The following TRPM3 variants were observed in gnomAD, a reference collection of about 807,000 sequenced individuals.
TRPM3 encodes the protein transient receptor potential cation channel subfamily M member 3, also known as long transient receptor potential channel 3.
TRPM3 carries 77 observed loss-of-function variants against 181.2 expected under a neutral mutation model. The ratio of observed to expected loss-of-function variants is 0.42; its 90% CI spans 0.35 to 0.51. The LOEUF is 0.51. TRPM3 is among the 20% of genes least tolerant of loss of function. The pLI is 0.01. For synonymous variants in TRPM3, 745 were observed against 796.4 expected (o/e 0.94, Z 1.09); for missense variants, 1,759 against 2,196.7 (o/e 0.80, Z 3.98).
chr9:71,229,809 C>G (rs1334288385), intron 1 of TRPM3, among the ~76,000 whole-genome samples: 2 of 151,880 alleles, frequency 1.3e-5, no homozygotes, highest in Non-Finnish European at 2.9e-5. Context: ...ATGTGGAGTA[C>G]AGGAAACCCT....
At chr9:71,220,208 A>T (rs995831831) in intron 1 of TRPM3, among the ~76,000 whole-genome samples, 7 of 152,212 alleles carry the variant, frequency 4.6e-5, no homozygotes, top group African/African-American at 1.7e-4. Context: ...ATTTGACACT[A>T]GCAACTCTCT....
At chr9:71,369,893 C>T (rs1427246037) in intron 1 of TRPM3, among the ~76,000 whole-genome samples, 1 of 152,110 alleles carries the variant, frequency 6.6e-6, no homozygotes, top group Non-Finnish European at 1.5e-5. Flanking sequence ...TCTTTTTCCC[C>T]AACAGCATGT....
At chr9:71,322,637 T>C (rs756142192) in intron 1 of TRPM3, among the ~76,000 whole-genome samples, 10 of 152,104 alleles carry the variant, frequency 6.6e-5, no homozygotes, top group African/African-American at 1.2e-4. Flanking sequence ...ACTCATATTT[T>C]ATGGTGTCAA....
intron 1 of TRPM3, among the ~76,000 whole-genome samples, chr9:71,410,315 A>T (rs985376941): frequency 6.6e-6 from 1 of 151,816 alleles, no homozygotes; most frequent in Non-Finnish European, 1.5e-5. Context: ...AAATCAATGA[A>T]TCCAGGAGCT....
intron 1 of TRPM3, among the ~76,000 whole-genome samples, chr9:71,242,126 T>C (rs2081737445): frequency 6.6e-6 from 1 of 152,220 alleles, no homozygotes; most frequent in Admixed American, 6.5e-5. Flanking sequence ...GGTAAAGCAG[T>C]ATTTTAGCCA....
intron 1 of TRPM3, among the ~76,000 whole-genome samples, chr9:70,890,204 A>G (rs562419500): frequency 6.6e-6 from 1 of 151,436 alleles, no homozygotes; most frequent in South Asian, 2.1e-4. Context: ...CATTTTTAAA[A>G]CAAGAAGAGA....
At chr9:70,606,676 CTG>C (rs1371126943) in intron 19 of TRPM3, among the ~76,000 whole-genome samples, 5 of 146,956 alleles carry the variant, frequency 3.4e-5, no homozygotes, top group African/African-American at 1.3e-4. Flanking sequence ...TATGTATACT[CTG>C]TAAGGTTTAG....
chr9:70,928,030 T>C (rs1055843895), intron 1 of TRPM3, among the ~76,000 whole-genome samples: 4 of 152,214 alleles, frequency 2.6e-5, no homozygotes, highest in Admixed American at 2.6e-4. Context: ...CTTTCTTAGT[T>C]TGTGTGACTT....
At chr9:71,025,435 C>T (rs2097886924) in intron 1 of TRPM3, among the ~76,000 whole-genome samples, 2 of 152,092 alleles carry the variant, frequency 1.3e-5, no homozygotes, top group Admixed American at 1.3e-4. Flanking sequence ...CATGATTCAT[C>T]GGAAAGAAGT....
chr9:70,569,332 G>A (rs1329593891), intron 22 of TRPM3, among the ~76,000 whole-genome samples: 1 of 152,204 alleles, frequency 6.6e-6, no homozygotes, highest in East Asian at 1.9e-4. Context: ...GCTTTATTTA[G>A]CATAGTAGGG....
intron 1 of TRPM3, among the ~76,000 whole-genome samples, chr9:71,157,596 C>T (rs1377752362): frequency 2.6e-5 from 4 of 152,072 alleles, no homozygotes; most frequent in Admixed American, 2.6e-4. Flanking sequence ...AAAGCAAAGC[C>T]GTTCTGAGTT....
At chr9:71,261,487 A>T (rs550968002) in intron 1 of TRPM3, among the ~76,000 whole-genome samples, 1 of 152,300 alleles carries the variant, frequency 6.6e-6, no homozygotes, top group Non-Finnish European at 1.5e-5. Context: ...CATTACCCAC[A>T]TTCTGAAGCC....
At chr9:70,667,241 T>G (rs2061974226) in intron 9 of TRPM3, among the ~76,000 whole-genome samples, 1 of 152,156 alleles carries the variant, frequency 6.6e-6, no homozygotes, top group Non-Finnish European at 1.5e-5. Flanking sequence ...AATGATCAAC[T>G]GTGAACTTAA....
intron 1 of TRPM3, among the ~76,000 whole-genome samples, chr9:71,379,551 A>AGAGGTTT (rs1397507324): frequency 6.6e-6 from 1 of 152,008 alleles, no homozygotes; most frequent in Non-Finnish European, 1.5e-5. Context: ...CATCACTTAC[A>AGAGGTTT]GAGGTTTTTA....
At chr9:71,446,766 T>A (rs1222304776) in exon 1 of TRPM3, 2 of 1,550,356 alleles carry the variant, frequency 1.3e-6, no homozygotes, top group African/African-American at 1.4e-5. Context: ...CGTCTGCGGC[T>A]CTCCGCGTTG....
intron 1 of TRPM3, among the ~76,000 whole-genome samples, chr9:71,372,633 T>C (rs1263759847): frequency 6.6e-6 from 1 of 152,206 alleles, no homozygotes; most frequent in African/African-American, 2.4e-5. Context: ...CATATGCTTG[T>C]GGGCCACATG....
At chr9:71,119,435 C>T (rs993936174) in intron 1 of TRPM3, among the ~76,000 whole-genome samples, 3 of 151,194 alleles carry the variant, frequency 2.0e-5, no homozygotes, top group Non-Finnish European at 4.4e-5. Flanking sequence ...AAAAAGATGA[C>T]AGAACTCACT....
At chr9:71,114,119 TTATC>T (rs947726575) in intron 1 of TRPM3, among the ~76,000 whole-genome samples, 1 of 152,178 alleles carries the variant, frequency 6.6e-6, no homozygotes, top group Non-Finnish European at 1.5e-5. Flanking sequence ...GTTATCTATT[TTATC>T]TATCTATCTA....
intron 1 of TRPM3, among the ~76,000 whole-genome samples, chr9:71,334,089 A>T (rs1227776404): frequency 6.6e-6 from 1 of 151,718 alleles, no homozygotes; most frequent in Non-Finnish European, 1.5e-5. Context: ...CAACAAACTA[A>T]TTTTTCTTCT....
Sources: allele counts gnomAD v4.1 joint callset (sites outside exome capture counted in the v4.1 genomes callset), GRCh38; gene constraint gnomAD v4.1.1; transcripts MANE v1.5; gene names NCBI Gene and HGNC (gene_info 2026-07-23, HGNC 2026-07-21).